Variants in CCDC91 observed in about 807,000 individuals in gnomAD.
CCDC91 encodes the protein coiled-coil domain containing 91.
In CCDC91, 48 loss-of-function variants were observed where a neutral mutation model predicts 63.2. The ratio of observed to expected loss-of-function variants is 0.76; its 90% confidence interval spans 0.60 to 0.97. The LOEUF is 0.97. Ranked by LOEUF, CCDC91 falls within the 50% of genes least tolerant of loss-of-function variation. CCDC91 has a pLI of 0.00. For missense variants in CCDC91, 500 were observed against 494.6 expected (o/e 1.01, Z -0.10); for synonymous variants, 167 against 165.8 (o/e 1.01, Z -0.06).
intron 6 of CCDC91, among the ~76,000 whole-genome samples, chr12:28,318,512 A>C (rs1940148759): frequency 1.3e-5 from 2 of 151,926 alleles, no homozygotes; most frequent in African/African-American, 4.8e-5. Flanking sequence ...CTGTACTCTA[A>C]CCTCAGTGAC....
intron 7 of CCDC91, among the ~76,000 whole-genome samples, chr12:28,380,051 A>G (rs1329978161): frequency 6.6e-6 from 1 of 152,144 alleles, no homozygotes; most frequent in Non-Finnish European, 1.5e-5. Context: ...GGAAACCATC[A>G]TTCTCAGCAA....
chr12:28,413,076 A>G (rs1260706956), intron 8 of CCDC91: 1 of 181,546 alleles, frequency 5.5e-6, no homozygotes, highest in African/African-American at 2.4e-5. Flanking sequence ...AGACTCAAAA[A>G]AGTCCTTTTC....
chr12:28,471,457 A>G (rs1047174305), intron 11 of CCDC91, among the ~76,000 whole-genome samples: 3 of 152,150 alleles, frequency 2.0e-5, no homozygotes, highest in African/African-American at 7.2e-5. Flanking sequence ...GAAATAATCC[A>G]CTGGGATCTA....
chr12:28,191,755 A>G (rs12304474), intron 1 of CCDC91, among the ~76,000 whole-genome samples: 3,793 of 152,100 alleles, frequency 0.025, 101 homozygotes, highest in African/African-American at 0.068. Flanking sequence ...TACAATTTCT[A>G]TTGCGTTGAG....
rs545673340 is a variant in CCDC91 at position 28,496,915 on chromosome 12, A to G, written c.1215+12750A>G. Among the ~76,000 whole-genome samples the G allele has an allele frequency of 2.8e-3, 403 of 146,342 alleles. 5 individuals are homozygous for G. Among genetic ancestry groups the G allele is most frequent in the African/African-American group, 9.4e-3 (380 of 40,246 alleles). ...ATATAAGGTATATATACACACATAT[A>G]TAAGGTATATATATACATATATATA... On this transcript the variant is annotated intron_variant, in intron 12 of 12. Coordinates refer to ENST00000536442, the MANE Select transcript of CCDC91 (RefSeq NM_018318.5).
chr12:28,498,176 A>G (rs12424037), intron 12 of CCDC91, among the ~76,000 whole-genome samples: 5 of 151,668 alleles, frequency 3.3e-5, no homozygotes, highest in Admixed American at 2.0e-4. Flanking sequence ...CCAGTGTACA[A>G]TGTGATTCAT....
chr12:28,379,216 A>T (rs1169485486), intron 7 of CCDC91, among the ~76,000 whole-genome samples: 1 of 151,968 alleles, frequency 6.6e-6, no homozygotes, highest in Non-Finnish European at 1.5e-5. Context: ...AAAACCTGGG[A>T]AATACCATTC....
intron 1 of CCDC91, among the ~76,000 whole-genome samples, chr12:28,238,576 C>G (rs1320454512): frequency 2.0e-5 from 3 of 152,148 alleles, no homozygotes; most frequent in Non-Finnish European, 2.9e-5. Flanking sequence ...TCTTTGAAAT[C>G]TAGCTCATAG....
chr12:28,440,534 G>A (rs1241282858), intron 8 of CCDC91, among the ~76,000 whole-genome samples: 8 of 152,108 alleles, frequency 5.3e-5, no homozygotes, highest in African/African-American at 1.4e-4. Context: ...TAATTTTGTG[G>A]TACACACAAA....
intron 12 of CCDC91, among the ~76,000 whole-genome samples, chr12:28,526,710 T>C (rs1436946560): frequency 6.6e-6 from 1 of 152,138 alleles, no homozygotes; most frequent in African/African-American, 2.4e-5. Context: ...TCTAAACTTT[T>C]AGTTTTCTCT....
chr12:28,278,588 A>T (rs1267402308), intron 3 of CCDC91, among the ~76,000 whole-genome samples: 1 of 152,044 alleles, frequency 6.6e-6, no homozygotes, highest in Non-Finnish European at 1.5e-5. Flanking sequence ...GTCTTTCTCA[A>T]GTCTTTTTGT....
intron 3 of CCDC91, among the ~76,000 whole-genome samples, chr12:28,301,445 G>GGT (rs923746177): frequency 6.6e-5 from 10 of 151,116 alleles, no homozygotes; most frequent in Admixed American, 2.6e-4. Context: ...ATTTTAATAT[G>GGT]GTGCTGGATT....
chr12:28,490,747 A>G (rs1252367828), intron 12 of CCDC91, among the ~76,000 whole-genome samples: 1 of 151,908 alleles, frequency 6.6e-6, no homozygotes, highest in African/African-American at 2.4e-5. Flanking sequence ...TTGACAGTTT[A>G]TTTCACAAAT....
At chr12:28,308,174 G>A in intron 6 of CCDC91, among the ~76,000 whole-genome samples, 1 of 151,570 alleles carries the variant, frequency 6.6e-6, no homozygotes, top group East Asian at 1.9e-4. Context: ...CACAGTAAAT[G>A]GCAACTCCAT....
chr12:28,384,259 T>C (rs1945466881), intron 7 of CCDC91, among the ~76,000 whole-genome samples: 1 of 152,152 alleles, frequency 6.6e-6, no homozygotes, highest in African/African-American at 2.4e-5. Context: ...GCAGTAAATA[T>C]ATAATTATTA....
chr12:28,537,263 C>T, intron 12 of CCDC91, among the ~76,000 whole-genome samples: 9 of 152,090 alleles, frequency 5.9e-5, no homozygotes, highest in African/African-American at 1.9e-4. Context: ...GCAAGTTAAA[C>T]AAATTTTCTT....
chr12:28,434,261 A>T (rs142209212), intron 8 of CCDC91, among the ~76,000 whole-genome samples: 1 of 151,920 alleles, frequency 6.6e-6, no homozygotes, highest in East Asian at 1.9e-4. Context: ...GATGTTCTTT[A>T]TCAAATTGAG....
intron 12 of CCDC91, among the ~76,000 whole-genome samples, chr12:28,522,482 T>C (rs1940801231): frequency 6.6e-6 from 1 of 152,186 alleles, no homozygotes; most frequent in Non-Finnish European, 1.5e-5. Flanking sequence ...TTATTAGTGT[T>C]GATAGCGGTC....
intron 6 of CCDC91, among the ~76,000 whole-genome samples, chr12:28,325,661 A>G (rs957768677): frequency 6.6e-6 from 1 of 151,952 alleles, no homozygotes; most frequent in African/African-American, 2.4e-5. Context: ...GAAGATGGCA[A>G]GAAGAGGAGA....
Sources: gnomAD v4.1 joint callset for allele counts (sites outside exome capture counted in the v4.1 genomes callset) on GRCh38, gnomAD v4.1.1 for gene constraint, MANE v1.5 for transcripts, NCBI Gene and HGNC (gene_info 2026-07-23, HGNC 2026-07-21) for gene names.